SMYD3: variants seen among roughly 807,000 people sequenced by gnomAD.
The protein encoded by SMYD3 is histone-lysine N-methyltransferase SMYD3.
SMYD3 carries 36 observed loss-of-function variants against 57.7 expected under a neutral mutation model. The observed-to-expected ratio is 0.62, with a 90% CI of 0.48 to 0.82. The LOEUF (loss-of-function observed/expected upper bound fraction) is 0.82. SMYD3 is among the 40% of genes least tolerant of loss of function. The probability of loss-of-function intolerance (pLI) is 0.00; values close to 1 mark genes in which losing one functional copy is unlikely to be tolerated. For synonymous variants in SMYD3, 211 were observed against 195.0 expected, an observed-to-expected ratio of 1.08 and a Z score of -0.68; for missense variants, 515 against 538.8, an observed-to-expected ratio of 0.96 and a Z score of 0.44.
At chr1:246,334,761 A>G (rs1012673775) in intron 3 of SMYD3, among the ~76,000 whole-genome samples, 1 of 152,210 alleles carries the variant, frequency 6.6e-6, no homozygotes, top group African/African-American at 2.4e-5. Flanking sequence ...GAGCCTAAAG[A>G]ATTATAAATT....
intron 1 of SMYD3, among the ~76,000 whole-genome samples, chr1:246,472,889 A>T (rs1432924647): frequency 8.3e-6 from 1 of 121,076 alleles, no homozygotes; most frequent in Non-Finnish European, 1.6e-5. Context: ...ACAGAGTCTC[A>T]CTCTGTCACT....
In SMYD3 at chr1:246,485,768, C is replaced by T. The variant is rs568530996; in HGVS notation, c.164+21286G>A. 1.8e-4 allele frequency among the ~76,000 whole-genome samples: 27 copies of T among 152,162 alleles called. 1 individual carries two copies. In the South Asian group the frequency reaches 5.4e-3, roughly 30 times the overall value. On this transcript the variant is annotated intron_variant, in intron 1 of 11. Coordinates refer to ENST00000490107, the MANE Select transcript of SMYD3 (RefSeq NM_001167740.2). ...TCACACCACTGCAGTCCAGCCTGGGCAACAGAGCAACACTCTGTCTCAAAA... is the reference window on the plus strand; with the variant it reads ...TCACACCACTGCAGTCCAGCCTGGGTAACAGAGCAACACTCTGTCTCAAAA...
chr1:246,367,186 T>C (rs1387552825), intron 1 of SMYD3, among the ~76,000 whole-genome samples: 1 of 152,158 alleles, frequency 6.6e-6, no homozygotes. Context: ...AGAAGTCTAA[T>C]GCAATGCCTT....
intron 8 of SMYD3, among the ~76,000 whole-genome samples, chr1:245,912,811 G>A (rs1219853555): frequency 6.6e-6 from 1 of 152,126 alleles, no homozygotes; most frequent in Non-Finnish European, 1.5e-5. Context: ...ACGTGCAGAA[G>A]AATGAAACTA....
intron 5 of SMYD3, among the ~76,000 whole-genome samples, chr1:246,048,774 T>C (rs1307581633): frequency 3.4e-5 from 5 of 148,698 alleles, no homozygotes; most frequent in African/African-American, 1.2e-4. Flanking sequence ...ATAAAGTATT[T>C]AAAGCAAAAA....
intron 1 of SMYD3, among the ~76,000 whole-genome samples, chr1:246,428,737 A>C (rs1310145030): frequency 1.3e-5 from 2 of 152,150 alleles, no homozygotes; most frequent in African/African-American, 4.8e-5. Context: ...TGCTGATTCA[A>C]ACCCGCGCAA....
chr1:246,241,939 C>A (rs576547902), intron 5 of SMYD3, among the ~76,000 whole-genome samples: 3 of 152,006 alleles, frequency 2.0e-5, no homozygotes, highest in South Asian at 4.2e-4. Flanking sequence ...AGTGGTGATA[C>A]CCCCTTTATC....
intron 7 of SMYD3, among the ~76,000 whole-genome samples, chr1:245,923,741 A>C (rs2147815963): frequency 6.6e-6 from 1 of 152,208 alleles, no homozygotes. Context: ...AGCTGCTGTA[A>C]GCCTGTGCCC....
chr1:246,029,594 C>G (rs1391024831), intron 5 of SMYD3, among the ~76,000 whole-genome samples: 1 of 150,926 alleles, frequency 6.6e-6, no homozygotes, highest in Non-Finnish European at 1.5e-5. Context: ...ATTGCTTGAG[C>G]CCGGGAGACA....
intron 5 of SMYD3, among the ~76,000 whole-genome samples, chr1:246,243,465 A>G (rs1418192230): frequency 1.4e-5 from 2 of 147,516 alleles, no homozygotes; most frequent in African/African-American, 5.1e-5. Flanking sequence ...TAATGTTTTT[A>G]TCATTTCATT....
At chr1:246,390,411 T>C (rs75237524) in intron 1 of SMYD3, among the ~76,000 whole-genome samples, 3,488 of 151,896 alleles carry the variant, frequency 0.023, 135 homozygotes, top group African/African-American at 0.079. Flanking sequence ...ATGACAAAAA[T>C]AGCACAATGC....
intron 5 of SMYD3, among the ~76,000 whole-genome samples, chr1:246,302,180 A>G (rs1558388247): frequency 6.6e-6 from 1 of 152,106 alleles, no homozygotes; most frequent in Non-Finnish European, 1.5e-5. Context: ...TTGAATTTGG[A>G]GCTGAGAGGA....
intron 5 of SMYD3, among the ~76,000 whole-genome samples, chr1:246,248,420 C>T (rs1310886348): frequency 6.6e-6 from 1 of 152,182 alleles, no homozygotes; most frequent in South Asian, 2.1e-4. Flanking sequence ...GAAATGTCTC[C>T]CAACAGAGAC....
intron 7 of SMYD3, among the ~76,000 whole-genome samples, chr1:245,922,122 T>C (rs1237402542): frequency 6.6e-6 from 1 of 152,220 alleles, no homozygotes; most frequent in Admixed American, 6.5e-5. Context: ...TATAATGAAT[T>C]TAACTGTGAA....
At chr1:245,855,593 T>C (rs1438619617) in intron 10 of SMYD3, among the ~76,000 whole-genome samples, 1 of 152,246 alleles carries the variant, frequency 6.6e-6, no homozygotes, top group Non-Finnish European at 1.5e-5. Flanking sequence ...TATATGCCGA[T>C]ACTATCAGAA....
chr1:246,265,741 G>A (rs918776165), intron 5 of SMYD3, among the ~76,000 whole-genome samples: 1 of 152,188 alleles, frequency 6.6e-6, no homozygotes, highest in Admixed American at 6.5e-5. Context: ...CAGCCTGTAT[G>A]AGCCTTCTCC....
chr1:246,025,746 C>T (rs1243383695), intron 5 of SMYD3, among the ~76,000 whole-genome samples: 1 of 152,052 alleles, frequency 6.6e-6, no homozygotes, highest in East Asian at 1.9e-4. Context: ...TGATTAAGCT[C>T]AATAGAGGTA....
intron 10 of SMYD3, among the ~76,000 whole-genome samples, chr1:245,790,136 G>A (rs2047207398): frequency 2.0e-5 from 3 of 152,208 alleles, no homozygotes; most frequent in Admixed American, 6.5e-5. Context: ...AGTAGTCAGA[G>A]CTGCTCTAGA....
intron 10 of SMYD3, among the ~76,000 whole-genome samples, chr1:245,790,221 C>A (rs2047211340): frequency 6.6e-6 from 1 of 152,174 alleles, no homozygotes; most frequent in African/African-American, 2.4e-5. Flanking sequence ...GATGAAAAAA[C>A]AGTAGGTGGA....
Sources: allele counts gnomAD v4.1 joint callset (sites outside exome capture counted in the v4.1 genomes callset), GRCh38; gene constraint gnomAD v4.1.1; transcripts MANE v1.5; gene names NCBI Gene and HGNC (gene_info 2026-07-23, HGNC 2026-07-21).